Variants in FARS2 observed in about 807,000 individuals in gnomAD.
FARS2 encodes the protein phenylalanine--tRNA ligase, mitochondrial.
In FARS2, 40 loss-of-function variants were observed where a neutral mutation model predicts 46.4. That is an observed-to-expected ratio of 0.86 (90% CI 0.67 to 1.12). The LOEUF is 1.12. FARS2 is among the 50% of genes most tolerant of loss of function. The pLI is 0.00. For missense variants in FARS2, 513 were observed against 567.9 expected, an observed-to-expected ratio of 0.90 and a Z score of 0.98; for synonymous variants, 234 against 214.9, an observed-to-expected ratio of 1.09 and a Z score of -0.78.
intron 6 of FARS2, among the ~76,000 whole-genome samples, chr6:5,648,767 G>A (rs1251790438): frequency 6.6e-6 from 1 of 151,668 alleles, no homozygotes; most frequent in Non-Finnish European, 1.5e-5. Context: ...TATTTTTATA[G>A]TAATTTTTAG....
chr6:5,334,486 G>A (rs147772303), intron 1 of FARS2, among the ~76,000 whole-genome samples: 200 of 152,286 alleles, frequency 1.3e-3, no homozygotes, highest in Non-Finnish European at 2.5e-3. Flanking sequence ...TAAGGAAACA[G>A]CTAAGTAAAC....
At chr6:5,260,985 G>A (rs941130724), upstream of FARS2, 28 of 1,165,296 alleles carry the variant, frequency 2.4e-5, no homozygotes, top group Middle Eastern at 7.0e-4. Flanking sequence ...GGAGGGAGAT[G>A]CCTCCGCCCC....
Position 5,291,965 on chromosome 6 carries a change from G to A in FARS2, c.-22+30305G>A, listed in dbSNP as rs1319231456. On this transcript the variant is annotated intron_variant, in intron 1 of 6. Transcript: ENST00000274680. ...AATTACAATAAAAATTGATAATATG[G>A]GTGATCATTGTTAGATAGGTAGACA... is the stretch of plus-strand genomic sequence containing the variant. Among the ~76,000 whole-genome samples the A allele has an allele frequency of 2.0e-5, 3 of 152,068 alleles. No individual in the cohort carries two copies. The East Asian group carries it at 5.8e-4, about 29-fold the overall frequency.
intron 3 of FARS2, among the ~76,000 whole-genome samples, chr6:5,408,136 C>T (rs1241896127): frequency 6.6e-6 from 1 of 152,152 alleles, no homozygotes; most frequent in Non-Finnish European, 1.5e-5. Flanking sequence ...ATTGAATAAG[C>T]TAGCCATACT....
chr6:5,483,992 A>G (rs1235818209), intron 4 of FARS2, among the ~76,000 whole-genome samples: 1 of 152,138 alleles, frequency 6.6e-6, no homozygotes, highest in African/African-American at 2.4e-5. Flanking sequence ...GGCAATAGCT[A>G]CTGAGGAGGC....
intron 6 of FARS2, among the ~76,000 whole-genome samples, chr6:5,752,499 A>G (rs987588525): frequency 6.6e-6 from 1 of 152,232 alleles, no homozygotes; most frequent in Non-Finnish European, 1.5e-5. Flanking sequence ...CAGAATGGCT[A>G]TAGCAAAGTC....
At chr6:5,294,388 C>G (rs1469102068) in intron 1 of FARS2, among the ~76,000 whole-genome samples, 1 of 152,142 alleles carries the variant, frequency 6.6e-6, no homozygotes, top group Non-Finnish European at 1.5e-5. Flanking sequence ...ACTCTTCACA[C>G]TACAACAATC....
chr6:5,601,576 T>G (rs1185810358), intron 5 of FARS2, among the ~76,000 whole-genome samples: 1 of 142,526 alleles, frequency 7.0e-6, no homozygotes, highest in Non-Finnish European at 1.5e-5. Context: ...GGCCTCAAAG[T>G]ACAGGGGTTA....
At chr6:5,516,629 A>G (rs1397192831) in intron 4 of FARS2, among the ~76,000 whole-genome samples, 1 of 152,196 alleles carries the variant, frequency 6.6e-6, no homozygotes, top group Non-Finnish European at 1.5e-5. Context: ...CAAAATAACT[A>G]GATCATGCCT....
At chr6:5,336,471 A>G (rs769366719) in intron 1 of FARS2, among the ~76,000 whole-genome samples, 3 of 152,060 alleles carry the variant, frequency 2.0e-5, no homozygotes, top group Admixed American at 6.6e-5. Flanking sequence ...ACCTATTTTC[A>G]AAAGTCCAGA....
intron 6 of FARS2, among the ~76,000 whole-genome samples, chr6:5,742,252 T>C (rs769354137): frequency 2.6e-5 from 4 of 152,216 alleles, no homozygotes; most frequent in Non-Finnish European, 5.9e-5. Flanking sequence ...CTTTCACCCT[T>C]CCACAACTTT....
At chr6:5,254,951 C>T in the FARS2 span, among the ~76,000 whole-genome samples, 2 of 152,158 alleles carry the variant, frequency 1.3e-5, no homozygotes, top group South Asian at 2.1e-4. Context: ...ATTCATGTCT[C>T]AACCCCCACA....
intron 6 of FARS2, among the ~76,000 whole-genome samples, chr6:5,642,126 A>G (rs1776850405): frequency 6.6e-6 from 1 of 152,164 alleles, no homozygotes; most frequent in Non-Finnish European, 1.5e-5. Flanking sequence ...ATGTATGTGT[A>G]TATTTGTGTG....
chr6:5,642,639 A>G (rs1776879983), intron 6 of FARS2, among the ~76,000 whole-genome samples: 1 of 152,174 alleles, frequency 6.6e-6, no homozygotes, highest in Non-Finnish European at 1.5e-5. Flanking sequence ...AAAAAAATTG[A>G]ACTTCCTCCT....
intron 4 of FARS2, among the ~76,000 whole-genome samples, chr6:5,522,700 G>A (rs1378512705): frequency 6.6e-6 from 1 of 152,182 alleles, no homozygotes; most frequent in Non-Finnish European, 1.5e-5. Flanking sequence ...ATTTGCTTGG[G>A]AAGAGTGGCC....
At chr6:5,740,950 C>G (rs970035083) in intron 6 of FARS2, among the ~76,000 whole-genome samples, 1 of 152,196 alleles carries the variant, frequency 6.6e-6, no homozygotes, top group African/African-American at 2.4e-5. Flanking sequence ...TGCATGACAG[C>G]TTACTGGATC....
chr6:5,535,654 T>A (rs938335312), intron 4 of FARS2, among the ~76,000 whole-genome samples: 4 of 152,198 alleles, frequency 2.6e-5, no homozygotes, highest in Non-Finnish European at 4.4e-5. Flanking sequence ...AGTATGATGT[T>A]GGTTGTGGGT....
At chr6:5,590,395 T>C (rs1198435862) in intron 5 of FARS2, among the ~76,000 whole-genome samples, 1 of 152,178 alleles carries the variant, frequency 6.6e-6, no homozygotes, top group Non-Finnish European at 1.5e-5. Context: ...GCCAGCCCGG[T>C]TGAGAGCCCT....
At chr6:5,449,474 G>A (rs1178851693) in intron 4 of FARS2, among the ~76,000 whole-genome samples, 1 of 151,862 alleles carries the variant, frequency 6.6e-6, no homozygotes, top group Non-Finnish European at 1.5e-5. Flanking sequence ...TAAGGTTTCA[G>A]AAAAATAAAT....
Sources: gnomAD v4.1 joint callset for allele counts (sites outside exome capture counted in the v4.1 genomes callset) on GRCh38, gnomAD v4.1.1 for gene constraint, MANE v1.5 for transcripts, NCBI Gene and HGNC (gene_info 2026-07-23, HGNC 2026-07-21) for gene names.